The following CACNA1B variants were observed in gnomAD, a reference collection of about 807,000 sequenced individuals.
CACNA1B encodes voltage-dependent N-type calcium channel subunit alpha-1B.
CACNA1B carries 70 observed loss-of-function variants against 247.2 expected under a neutral mutation model. That is an observed-to-expected ratio of 0.28 (90% CI 0.23 to 0.35). The LOEUF is 0.35. Ranked by LOEUF, CACNA1B falls within the 10% of genes least tolerant of loss-of-function variation. CACNA1B has a pLI of 1.00. For missense variants in CACNA1B, 2,367 were observed against 3,197.4 expected (o/e 0.74, Z 6.26); for synonymous variants, 1,231 against 1,294.4 (o/e 0.95, Z 1.05).
rs377110062 is a variant in CACNA1B at position 138,120,840 on chromosome 9, A to G, written c.6448A>G (p.Thr2150Ala). 2.0e-5 allele frequency: 31 copies of G among 1,572,054 alleles called. No homozygotes were observed. Among genetic ancestry groups the G allele is most frequent in the Non-Finnish European group, 2.6e-5 (30 of 1,159,052 alleles). Residue 2150 changes from threonine to alanine, a missense_variant, in exon 46 of 47, where the codon ACG (threonine) becomes GCG (alanine). Physicochemically the swap from Thr to Ala is moderately conservative, Grantham distance 58. Around this residue, in one of 12 missense-constraint regions of CACNA1B, gnomAD observed 773 missense variants for 779.4 expected, o/e 0.99. Coordinates refer to ENST00000371372, the MANE Select transcript of CACNA1B (RefSeq NM_000718.4). ...CAAGCCCTCCCTCAGCAGCCACCCA[A>G]CGTCGCCAACAGCTGGCCAGGAGCC... ...KPKPSLSSHPTSPTAGQEPGP... is the reference protein window; with the variant it reads ...KPKPSLSSHPASPTAGQEPGP...
chr9:137,965,960 A>G (rs1958071018), intron 10 of CACNA1B, among the ~76,000 whole-genome samples: 2 of 152,214 alleles, frequency 1.3e-5, no homozygotes, highest in African/African-American at 4.8e-5. Context: ...TAGTTTGGGC[A>G]ATATAAAGTT....
chr9:138,103,701 C>A (rs755743388), intron 38 of CACNA1B, among the ~76,000 whole-genome samples: 7 of 152,250 alleles, frequency 4.6e-5, no homozygotes, highest in Non-Finnish European at 1.0e-4. Flanking sequence ...TGCTCTCCGG[C>A]AAACGGCCTG....
In CACNA1B at chr9:138,121,811, C is replaced by A. The variant is rs758010481; in HGVS notation, c.6832C>A (p.Leu2278Ile). 40 of 1,613,112 alleles carry A rather than the reference C, an allele frequency of 2.5e-5. No individual in the cohort carries two copies. In the Admixed American group the frequency reaches 6.7e-4, roughly 27 times the overall value. ...ASVHALPEDTLTFEEAVATNS... is the reference protein window; with the variant it reads ...ASVHALPEDTITFEEAVATNS... ...TGTCCACGCCCTGCCTGAGGACACTCTCACTTTCGAGGAGGCTGTGGCCAC... is the reference window on the plus strand; with the variant it reads ...TGTCCACGCCCTGCCTGAGGACACTATCACTTTCGAGGAGGCTGTGGCCAC... Residue 2278 changes from leucine (L) to isoleucine (I), a missense_variant, in exon 47 of 47, where the codon CTC becomes ATC. Leu to Ile is a conservative substitution (Grantham distance 5). Coordinates refer to ENST00000371372, the MANE Select transcript of CACNA1B (RefSeq NM_000718.4). This position sits in a 1 kb window ranked among gnomAD's most constrained non-coding sequence, Gnocchi z 6.8.
intron 20 of CACNA1B, 104 bp downstream of exon 20, chr9:138,025,276 CTG>C: frequency 1.4e-6 from 1 of 721,832 alleles, no homozygotes; most frequent in Non-Finnish European, 2.4e-6. Flanking sequence ...CAGCCTACCT[CTG>C]TGAATTGTTC....
intron 31 of CACNA1B, among the ~76,000 whole-genome samples, chr9:138,062,638 G>A (rs376049239): frequency 2.0e-5 from 3 of 152,198 alleles, no homozygotes; most frequent in East Asian, 1.9e-4. Flanking sequence ...TTATGCTTCC[G>A]TTCTGTAGAT....
In CACNA1B at chr9:138,010,164, C is replaced by T. The variant is rs1449291128; in HGVS notation, c.2160+87C>T. 1.0e-5 allele frequency: 11 copies of T among 1,087,052 alleles called. No homozygotes were observed. The East Asian group carries it at 2.4e-4, about 24-fold the overall frequency. 67.3% of individuals were successfully genotyped at this position (1,087,052 alleles called of 1,614,324 possible). A position where few individuals can be genotyped will look rare whatever the true frequency, so the allele number is the denominator to read the frequency against. ...GAAGAGTCTGGGTCCTGGGTTAGGG[C>T]CTCGTGTCCAGGAGCGTTGCCTTGG... On this transcript the variant is annotated intron_variant, in intron 17 of 46. Transcript: ENST00000371372. This position sits in a 1 kb window ranked among gnomAD's most constrained non-coding sequence, Gnocchi z 5.3.
At chr9:137,924,707 T>C (rs1957530859) in intron 6 of CACNA1B, among the ~76,000 whole-genome samples, 1 of 152,264 alleles carries the variant, frequency 6.6e-6, no homozygotes. Context: ...TTTGATTTCT[T>C]TCATTAGCAT....
rs1488892458 is a variant in CACNA1B at position 138,014,293 on chromosome 9, A to T, written c.2267+1058A>T. Among the ~76,000 whole-genome samples, 17 of 152,150 alleles carry T rather than the reference A, an allele frequency of 1.1e-4. No homozygotes were observed. The highest frequency in any genetic ancestry group is 1.1e-3 in the Admixed American group (17 of 15,280). ...GCATGTGCTGAGTGTGTGCACCCCC[A>T]TACCAGCCCTGATCCTGCCTGGAGG... On this transcript the variant is annotated intron_variant, in intron 18 of 46. Coordinates refer to ENST00000371372, the MANE Select transcript of CACNA1B (RefSeq NM_000718.4). This position sits in a 1 kb window ranked among gnomAD's most constrained non-coding sequence, Gnocchi z 6.2.
intron 36 of CACNA1B, among the ~76,000 whole-genome samples, chr9:138,090,562 A>T (rs531433892): frequency 6.6e-6 from 1 of 152,034 alleles, no homozygotes; most frequent in Non-Finnish European, 1.5e-5. Context: ...ATGGGGTTGC[A>T]TTTCAGTAAA....
In CACNA1B at chr9:137,954,322, G is replaced by C. The variant is rs945722603; in HGVS notation, c.1071-1376G>C. Among the ~76,000 whole-genome samples the C allele has an allele frequency of 1.3e-5, 2 of 152,206 alleles. No homozygotes were observed. Among genetic ancestry groups the C allele is most frequent in the African/African-American group, 4.8e-5 (2 of 41,462 alleles). ...GAGCTGCAGGAGGGGCCAGCTTGGG[G>C]CCAATTCGGCATCTCTCTCTCCATT... On this transcript the variant is annotated intron_variant, in intron 7 of 46. Coordinates refer to ENST00000371372, the MANE Select transcript of CACNA1B (RefSeq NM_000718.4). The surrounding 1 kb of genome is among the most constrained non-coding windows in gnomAD (Gnocchi z 4.1).
chr9:137,957,019 T>C lies in CACNA1B; in HGVS notation c.1243+192T>C, dbSNP rs572359474. Reference sequence around the variant, plus strand: ...ACCTGACACAGGCCCACACTGCAGGTTTAAACCGAGCTGTGTCTATCCCCA... The same window carrying C: ...ACCTGACACAGGCCCACACTGCAGGCTTAAACCGAGCTGTGTCTATCCCCA... On this transcript the variant is annotated intron_variant, in intron 9 of 46. Transcript: ENST00000371372. This position sits in a 1 kb window ranked among gnomAD's most constrained non-coding sequence, Gnocchi z 4.7. Among the ~76,000 whole-genome samples, 37 of 152,250 alleles carry C rather than the reference T, an allele frequency of 2.4e-4. No individual in the cohort carries two copies. Among genetic ancestry groups the C allele is most frequent in the African/African-American group, 8.4e-4 (35 of 41,558 alleles).
intron 36 of CACNA1B, among the ~76,000 whole-genome samples, chr9:138,081,120 C>A (rs1960510479): frequency 6.6e-6 from 1 of 152,168 alleles, no homozygotes; most frequent in African/African-American, 2.4e-5. Context: ...CACCTGTGGG[C>A]ACAAAGCCAA....
intron 25 of CACNA1B, among the ~76,000 whole-genome samples, chr9:138,053,585 C>T (rs922283714): frequency 7.0e-6 from 1 of 143,844 alleles, no homozygotes; most frequent in African/African-American, 2.9e-5. Flanking sequence ...TCCACTCCTC[C>T]CCTCATGGCC....
intron 7 of CACNA1B, among the ~76,000 whole-genome samples, chr9:137,953,563 C>T (rs188412563): frequency 2.2e-4 from 34 of 152,246 alleles, no homozygotes; most frequent in Non-Finnish European, 3.7e-4. Context: ...AGCAAGCGAC[C>T]GGCTCACGGG....
At chr9:138,053,648 A>C (rs1480183646) in intron 25 of CACNA1B, among the ~76,000 whole-genome samples, 198 bp from the exon 26 acceptor site, 4 of 36,532 alleles carry the variant, frequency 1.1e-4, no homozygotes, top group Admixed American at 3.7e-4. Flanking sequence ...CCTTCCCCTC[A>C]TGGCCCCACC....
At chr9:137,935,316 ATTG>A (rs1202042674) in intron 6 of CACNA1B, among the ~76,000 whole-genome samples, 1 of 151,566 alleles carries the variant, frequency 6.6e-6, no homozygotes, top group Non-Finnish European at 1.5e-5. Context: ...AAGTGTTCTC[ATTG>A]TTCAATTCCC....
chr9:138,073,868 G>A lies in CACNA1B; in HGVS notation c.4792-133G>A, dbSNP rs1331845647. The A allele has an allele frequency of 4.1e-6, 3 of 725,836 alleles. No homozygotes were observed. The highest frequency in any genetic ancestry group is 7.3e-6 in the Non-Finnish European group (3 of 412,450). 45.0% of individuals were successfully genotyped at this position (725,836 alleles called of 1,614,324 possible). The stretch of plus-strand genomic sequence containing the variant: ...AAACTGGGGCATCACTTGGTGGAGG[G>A]GCTTGGTGGCCAGTGGGATGGAGCT... On this transcript the variant is annotated intron_variant, in intron 33 of 46. Coordinates refer to ENST00000371372, the MANE Select transcript of CACNA1B (RefSeq NM_000718.4). The surrounding 1 kb of genome is among the most constrained non-coding windows in gnomAD (Gnocchi z 6.4).
At chr9:138,042,491 T>G (rs1959137228) in intron 20 of CACNA1B, among the ~76,000 whole-genome samples, 1 of 152,206 alleles carries the variant, frequency 6.6e-6, no homozygotes, top group Admixed American at 6.5e-5. Context: ...ACAAAACTTT[T>G]GGGAATACAT....
rs990686437 is a variant in CACNA1B at position 137,957,577 on chromosome 9, C to T, written c.1244-21C>T. 4.5e-6 allele frequency: 7 copies of T among 1,550,300 alleles called. No homozygotes were observed. In the African/African-American group the frequency reaches 9.6e-5, roughly 21 times the overall value. On this transcript the variant is annotated intron_variant, in intron 9 of 46. Transcript: ENST00000371372. The surrounding 1 kb of genome is among the most constrained non-coding windows in gnomAD (Gnocchi z 4.7). ...GAGGGCTGCAGCTCAGGCAGTCTCTCCCATCCTTTGTTTAAAGCAGTGCTG... is the reference window on the plus strand; with the variant it reads ...GAGGGCTGCAGCTCAGGCAGTCTCTTCCATCCTTTGTTTAAAGCAGTGCTG...
Sources: gnomAD v4.1 joint callset for allele counts (sites outside exome capture counted in the v4.1 genomes callset) on GRCh38, gnomAD v4.1.1 for gene constraint, gnomAD v4.1.1 regional missense constraint, Gnocchi (gnomAD v3.1) non-coding constraint, MANE v1.5 for transcripts, NCBI Gene and HGNC (gene_info 2026-07-23, HGNC 2026-07-21) for gene names.